The following RUBCNL variants were observed in gnomAD, a reference collection of about 807,000 sequenced individuals.
RUBCNL encodes the protein protein associated with UVRAG as autophagy enhancer.
In RUBCNL, 62 loss-of-function variants were observed where a neutral mutation model predicts 69.5. That is an observed-to-expected ratio of 0.89 (90% CI 0.73 to 1.10). The LOEUF is 1.10. Ranked by LOEUF, RUBCNL falls within the 50% of genes least tolerant of loss-of-function variation. The probability of loss-of-function intolerance (pLI) is 0.00; values close to 1 mark genes in which losing one functional copy is unlikely to be tolerated. For missense variants in RUBCNL, 768 were observed against 798.1 expected (o/e 0.96, Z 0.45); for synonymous variants, 291 against 303.6 (o/e 0.96, Z 0.43).
rs1185467304 is a variant in RUBCNL, at chr13:46,340,400, C to A, written c.*2985G>T. Among the ~76,000 whole-genome samples, 5 of 152,120 alleles carry A rather than the reference C, an allele frequency of 3.3e-5. No individual in the cohort carries two copies. Among genetic ancestry groups the A allele is most frequent in the Non-Finnish European group, 7.3e-5 (5 of 68,028 alleles). On this transcript the variant is annotated 3_prime_UTR_variant, in exon 15 of 15. Coordinates refer to ENST00000429979, the MANE Select transcript of RUBCNL (RefSeq NM_025113.5). Reference sequence around the variant, plus strand: ...TGACTCAGTTTGTAATCTGTCTAGACCTCATTATTACCATTTGCCCTTGCT... The same window carrying A: ...TGACTCAGTTTGTAATCTGTCTAGAACTCATTATTACCATTTGCCCTTGCT...
At chr13:46,363,856 G>C (rs1284317325) in intron 5 of RUBCNL, among the ~76,000 whole-genome samples, 1 of 144,820 alleles carries the variant, frequency 6.9e-6, no homozygotes, top group Non-Finnish European at 1.5e-5. Flanking sequence ...GTAAGACCCT[G>C]TCTCAAAAAA....
At chr13:46,388,444 A>AGAAG (rs542191511), upstream of RUBCNL, among the ~76,000 whole-genome samples, 2 of 149,920 alleles carry the variant, frequency 1.3e-5, no homozygotes, top group South Asian at 2.1e-4. Flanking sequence ...AAGGAAGGAA[A>AGAAG]GAAGGAAGGA....
intron 1 of RUBCNL, among the ~76,000 whole-genome samples, chr13:46,382,268 A>T (rs1031945069): frequency 6.6e-6 from 1 of 152,240 alleles, no homozygotes; most frequent in Non-Finnish European, 1.5e-5. Context: ...AAAGAGCACA[A>T]GCTACACACC....
intron 5 of RUBCNL, among the ~76,000 whole-genome samples, chr13:46,365,029 G>A (rs61948080): frequency 0.093 from 14,077 of 152,098 alleles, 877 homozygotes; most frequent in Non-Finnish European, 0.14. Context: ...AAGGCTGGGT[G>A]TGGTGGCTCG....
At position 46,378,131 on chromosome 13, in the gene RUBCNL, C is replaced by T. The variant is rs144313219; in HGVS notation, c.-238-126G>A. The T allele has an allele frequency of 1.8e-3, 981 of 551,424 alleles. 12 individuals carry two copies. Among genetic ancestry groups the T allele is most frequent in the African/African-American group, 0.018 (924 of 51,978 alleles). 34.2% of individuals were successfully genotyped at this position (551,424 alleles called of 1,614,324 possible). On this transcript the variant is annotated intron_variant, in intron 1 of 14. Coordinates refer to ENST00000429979, the MANE Select transcript of RUBCNL (RefSeq NM_025113.5). ...ATATTTTTTTACTGAGCATCTACTA[C>T]AGGTCTGGCATTGTTTTTGTTTTGG... is the stretch of plus-strand genomic sequence containing the variant.
rs879705148 is a variant in RUBCNL at position 46,335,270 on chromosome 13, T to G, written c.*8115A>C. Among the ~76,000 whole-genome samples the G allele has an allele frequency of 0.14, 20,064 of 141,762 alleles. 1,660 individuals are homozygous for G. Among genetic ancestry groups the G allele is most frequent in the Middle Eastern group, 0.2 (56 of 282 alleles). The allele number at this position is 141,762 out of a possible 152,430, so 93.0% of individuals were successfully genotyped here. Reference sequence around the variant, plus strand: ...GTTGTTGTTGTTGTTGTTTTTTTTTTTTTTTTTTTTTTTTTAAGAGACAGG... The same window carrying G: ...GTTGTTGTTGTTGTTGTTTTTTTTTGTTTTTTTTTTTTTTTAAGAGACAGG... On this transcript the variant is annotated 3_prime_UTR_variant, in exon 15 of 15. Transcript: ENST00000429979.
chr13:46,349,616 T>G (rs2048325226), intron 11 of RUBCNL, among the ~76,000 whole-genome samples: 1 of 151,780 alleles, frequency 6.6e-6, no homozygotes, highest in African/African-American at 2.4e-5. Flanking sequence ...AGTATAAGAT[T>G]CAGTGTGGGG....
At position 46,341,050 on chromosome 13, in the gene RUBCNL, C is replaced by T. The variant is rs1474743406; in HGVS notation, c.*2335G>A. ...AATAATTCTCACCCAGGTCAACACA[C>T]CAGACATCTTTGGGATGGCTTGCTC... On this transcript the variant is annotated 3_prime_UTR_variant, in exon 15 of 15. Coordinates refer to ENST00000429979, the MANE Select transcript of RUBCNL (RefSeq NM_025113.5). Among the ~76,000 whole-genome samples the T allele has an allele frequency of 6.6e-6, 1 of 152,196 alleles. No homozygotes were observed. The highest frequency in any genetic ancestry group is 2.4e-5 in the African/African-American group (1 of 41,454).
At position 46,368,876 on chromosome 13, in the gene RUBCNL, A is replaced by C. The variant is rs976131955; in HGVS notation, c.536-61T>G. On this transcript the variant is annotated intron_variant, in intron 3 of 14. Coordinates refer to ENST00000429979, the MANE Select transcript of RUBCNL (RefSeq NM_025113.5). ...GGGAGTTTAAAGATTACCTAATAAA[A>C]TAAAACAATTATAGGAAGTGGCTTT... The C allele has an allele frequency of 4.1e-6, 5 of 1,207,000 alleles. No individual in the cohort carries two copies. The African/African-American group carries it at 7.6e-5, about 18-fold the overall frequency. 74.8% of individuals were successfully genotyped at this position (1,207,000 alleles called of 1,614,324 possible). A position where few individuals can be genotyped will look rare whatever the true frequency, so the allele number is the denominator to read the frequency against.
In RUBCNL at chr13:46,377,942, A is replaced by G. The variant is rs2049032969; in HGVS notation, c.-175T>C. 9 of 1,609,526 alleles carry G rather than the reference A, an allele frequency of 5.6e-6. No homozygotes were observed. The highest frequency in any genetic ancestry group is 6.8e-6 in the Non-Finnish European group (8 of 1,178,386). On this transcript the variant is annotated 5_prime_UTR_variant, in exon 2 of 15. Transcript: ENST00000429979. ...GATTGACACAGAGGAGAAAGTAATG[A>G]TTGGAAACCATCAAAGTCCATGCAG...
chr13:46,364,550 A>G (rs1474595400), intron 5 of RUBCNL, among the ~76,000 whole-genome samples: 1 of 151,892 alleles, frequency 6.6e-6, no homozygotes, highest in Non-Finnish European at 1.5e-5. Flanking sequence ...TGTGTTTTTC[A>G]CTGTCTTTTG....
chr13:46,349,169 A>G, intron 12 of RUBCNL, 117 bp downstream of exon 12: 1 of 800,802 alleles, frequency 1.2e-6, no homozygotes, highest in Non-Finnish European at 2.1e-6. Flanking sequence ...AAGGAAAGCC[A>G]TGAGGTCATC....
chr13:46,338,584 T>C lies in RUBCNL; in HGVS notation c.*4801A>G, dbSNP rs2048119393. 6.6e-6 allele frequency among the ~76,000 whole-genome samples: 1 copy of C among 152,064 alleles called. No homozygotes were observed. Among genetic ancestry groups the C allele is most frequent in the Non-Finnish European group, 1.5e-5 (1 of 68,010 alleles). Reference sequence around the variant, plus strand: ...CCCTTTGTCTCCTCACCAATGGGGATGTACGTAGCCCGAGGAAGGCCAGAG... The same window carrying C: ...CCCTTTGTCTCCTCACCAATGGGGACGTACGTAGCCCGAGGAAGGCCAGAG... On this transcript the variant is annotated 3_prime_UTR_variant, in exon 15 of 15. Coordinates refer to ENST00000429979, the MANE Select transcript of RUBCNL (RefSeq NM_025113.5).
intron 1 of RUBCNL, among the ~76,000 whole-genome samples, chr13:46,386,846 C>G (rs2049259740): frequency 6.6e-6 from 1 of 152,140 alleles, no homozygotes; most frequent in Non-Finnish European, 1.5e-5. Context: ...CCTGAGGTCC[C>G]GCTTCTGCGC....
Position 46,359,640 on chromosome 13 carries a change from G to T in RUBCNL, c.1120-9C>A. ...CACTCTTCATTTACGACCTGCATAA[G>T]ACATAAAATGATTTAGGAACAACTT... On this transcript the variant is annotated splice_polypyrimidine_tract_variant and intron_variant, in intron 8 of 14. Transcript: ENST00000429979. 1.3e-6 allele frequency: 2 copies of T among 1,550,614 alleles called. No homozygotes were observed. Among genetic ancestry groups the T allele is most frequent in the Non-Finnish European group, 1.7e-6 (2 of 1,144,944 alleles).
intron 13 of RUBCNL, 65 bp downstream of exon 13, chr13:46,345,382 A>G (rs2048223287): frequency 5.3e-6 from 8 of 1,511,082 alleles, no homozygotes; most frequent in Middle Eastern, 1.9e-4. Flanking sequence ...AATGAAGTCA[A>G]GTGCGGAACA....
chr13:46,351,431 T>C (rs2048365973), intron 10 of RUBCNL, among the ~76,000 whole-genome samples: 1 of 152,180 alleles, frequency 6.6e-6, no homozygotes, highest in South Asian at 2.1e-4. Context: ...TAGGAAGACA[T>C]TTTTGTGATA....
chr13:46,386,448 C>A (rs1383846067), intron 1 of RUBCNL, among the ~76,000 whole-genome samples: 1 of 152,068 alleles, frequency 6.6e-6, no homozygotes, highest in Non-Finnish European at 1.5e-5. Flanking sequence ...TCACTCAAGG[C>A]GAAATAACCC....
At chr13:46,370,347 C>G (rs574747287) in intron 3 of RUBCNL, among the ~76,000 whole-genome samples, 1 of 152,356 alleles carries the variant, frequency 6.6e-6, no homozygotes, top group Non-Finnish European at 1.5e-5. Context: ...GGCCGATAGT[C>G]TTTCCCTAAA....
Sources: allele counts gnomAD v4.1 joint callset (sites outside exome capture counted in the v4.1 genomes callset), GRCh38; gene constraint gnomAD v4.1.1; transcripts MANE v1.5; gene names NCBI Gene and HGNC (gene_info 2026-07-23, HGNC 2026-07-21).